The following DYRK1A variants were observed in gnomAD, a reference collection of about 807,000 sequenced individuals.
DYRK1A encodes the protein dual specificity tyrosine phosphorylation regulated kinase 1A.
Under a neutral mutation model 79.7 loss-of-function variants are expected in DYRK1A, and 9 were observed. That is an observed-to-expected ratio of 0.11 (90% confidence interval 0.07 to 0.20). The LOEUF (loss-of-function observed/expected upper bound fraction) is 0.20. Among genes scored for constraint, DYRK1A ranks in the 10% least tolerant of loss-of-function variants. DYRK1A has a pLI of 1.00. For synonymous variants in DYRK1A, 349 were observed against 329.7 expected (o/e 1.06, Z -0.63); for missense variants, 622 against 956.0 (o/e 0.65, Z 4.61).
In DYRK1A at chr21:37,485,787, A is replaced by G. The variant is rs554923168; in HGVS notation, c.490-680A>G. The stretch of plus-strand genomic sequence containing the variant: ...CTCGTTTTAAATGAGTCAGATTTCA[A>G]GTGAGAGGTGTTGCATGGTGATGTG... On this transcript the variant is annotated intron_variant, in intron 5 of 11. Transcript: ENST00000647188. Among the ~76,000 whole-genome samples the G allele has an allele frequency of 1.2e-4, 19 of 152,282 alleles. No homozygotes were observed. The South Asian group carries it at 1.9e-3, about 15-fold the overall frequency.
At chr21:37,479,463 T>G (rs1459787615) in intron 4 of DYRK1A, among the ~76,000 whole-genome samples, 1 of 152,072 alleles carries the variant, frequency 6.6e-6, no homozygotes, top group African/African-American at 2.4e-5. Flanking sequence ...TAAAGTAGAC[T>G]TTTTCTGATG....
At chr21:37,490,525 AG>A in intron 7 of DYRK1A, 64 bp downstream of exon 7, 1 of 1,330,888 alleles carries the variant, frequency 7.5e-7, no homozygotes, top group South Asian at 2.1e-5. Context: ...AGGACAGTGT[AG>A]GTATTAGGTT....
intron 4 of DYRK1A, among the ~76,000 whole-genome samples, chr21:37,479,600 G>GTTTT (rs1569362052): frequency 4.4e-5 from 1 of 22,794 alleles, no homozygotes; most frequent in African/African-American, 2.9e-4. Flanking sequence ...TTTTGTTTTT[G>GTTTT]TTTTTGTTTT....
At chr21:37,417,529 C>CTTTTTTTTTTTTTTTTTTTTTTTTTT (rs3216074) in intron 1 of DYRK1A, among the ~76,000 whole-genome samples, 1 of 44,048 alleles carries the variant, frequency 2.3e-5, no homozygotes, top group African/African-American at 1.0e-4. Flanking sequence ...TTTTCTTTTT[C>CTTTTTTTTTTTTTTTTTTTTTTTTTT]TTTTTTTTTT....
In DYRK1A at chr21:37,516,514, G is replaced by A. The variant is rs979824992; in HGVS notation, c.*3983G>A. 8 of 152,156 alleles carry A rather than the reference G, an allele frequency of 5.3e-5. No homozygotes were observed. Among genetic ancestry groups the A allele is most frequent in the Non-Finnish European group, 1.2e-4 (8 of 68,006 alleles). The allele number at this position is 152,156 out of a possible 1,614,324, so 9.4% of individuals were successfully genotyped here. A position where few individuals can be genotyped will look rare whatever the true frequency, so the allele number is the denominator to read the frequency against. On this transcript the variant is annotated 3_prime_UTR_variant, in exon 12 of 12. Coordinates refer to ENST00000647188, the MANE Select transcript of DYRK1A (RefSeq NM_001347721.2). ...GAAACCCTAAGAAGATAGCTTATTT[G>A]TTATCCTCCCTTTTAATGACTAACC...
chr21:37,479,612 GTTTTTTGT>G (rs1304573992), intron 4 of DYRK1A, among the ~76,000 whole-genome samples: 3 of 47,176 alleles, frequency 6.4e-5, no homozygotes, highest in Admixed American at 3.6e-4. Context: ...TTTTGTTTTT[GTTTTTTGT>G]TTTTTTTTTT....
chr21:37,487,808 C>T (rs905130107), intron 6 of DYRK1A: 4 of 152,048 alleles, frequency 2.6e-5, no homozygotes, highest in Non-Finnish European at 4.4e-5. Context: ...TTTATAGATA[C>T]TGATATAATT....
In DYRK1A at chr21:37,461,804, T is replaced by C. The variant is rs575501420; in HGVS notation, c.11-10880T>C. On this transcript the variant is annotated intron_variant, in intron 2 of 11. Coordinates refer to ENST00000647188, the MANE Select transcript of DYRK1A (RefSeq NM_001347721.2). ...GCTTTTACAATTTTTTTCTTCATCA[T>C]TGGTTTTCAGCAGTTTGGTTGAGTT... is the stretch of plus-strand genomic sequence containing the variant. Among the ~76,000 whole-genome samples, 345 of 152,004 alleles carry C rather than the reference T, an allele frequency of 2.3e-3. 1 individual carries two copies. The highest frequency in any genetic ancestry group is 2.5e-3 in the Non-Finnish European group (167 of 67,990).
intron 3 of DYRK1A, among the ~76,000 whole-genome samples, chr21:37,475,225 C>T (rs1311239339): frequency 6.6e-6 from 1 of 152,212 alleles, no homozygotes; most frequent in Non-Finnish European, 1.5e-5. Context: ...CCTCAACTTC[C>T]CTTTTATTAG....
intron 1 of DYRK1A, among the ~76,000 whole-genome samples, chr21:37,396,641 A>G (rs1160817097): frequency 6.6e-6 from 1 of 152,094 alleles, no homozygotes. Context: ...AACTATTCTT[A>G]CTACCTACCA....
intron 9 of DYRK1A, among the ~76,000 whole-genome samples, chr21:37,498,015 G>C (rs1040902688): frequency 6.6e-6 from 1 of 151,982 alleles, no homozygotes; most frequent in Non-Finnish European, 1.5e-5. Flanking sequence ...ATTACAAATG[G>C]TACACTAAGA....
intron 1 of DYRK1A, among the ~76,000 whole-genome samples, chr21:37,382,592 C>G (rs957619236): frequency 1.3e-5 from 2 of 152,108 alleles, no homozygotes; most frequent in African/African-American, 4.8e-5. Context: ...GGATCTTCAA[C>G]CTTTTGGCAG....
At chr21:37,399,841 C>T (rs1403214664) in intron 1 of DYRK1A, among the ~76,000 whole-genome samples, 1 of 152,186 alleles carries the variant, frequency 6.6e-6, no homozygotes, top group Non-Finnish European at 1.5e-5. Context: ...AGAATACAAA[C>T]ACAGGTTGAA....
At chr21:37,472,652 A>T in intron 2 of DYRK1A, 32 bp from the exon 3 acceptor site, 1 of 1,515,854 alleles carries the variant, frequency 6.6e-7, no homozygotes, top group African/African-American at 1.4e-5. Flanking sequence ...GGATATGAAT[A>T]TTTCCTTTAA....
chr21:37,450,412 C>T (rs1442945105), intron 2 of DYRK1A, among the ~76,000 whole-genome samples: 1 of 152,154 alleles, frequency 6.6e-6, no homozygotes, highest in Non-Finnish European at 1.5e-5. Context: ...TGATTTTTAT[C>T]ACGTTGTTAA....
At position 37,512,402 on chromosome 21, in the gene DYRK1A, A is replaced by G. The variant is rs771939851; in HGVS notation, c.2136A>G (p.Gln712=). 5.0e-6 allele frequency: 8 copies of G among 1,613,958 alleles called. No homozygotes were observed. The highest frequency in any genetic ancestry group is 1.3e-5 in the African/African-American group (1 of 74,874). ...GCATAGCTGGACATCCAACATACCAATTTTCTGCTAATACAGGTCCTGCAC... is the reference window on the plus strand; with the variant it reads ...GCATAGCTGGACATCCAACATACCAGTTTTCTGCTAATACAGGTCCTGCAC... ...ETGIAGHPTY[Q]FSANTGPAHY... is the part of the protein sequence containing the mutation. Residue 712 remains glutamine (Q), a synonymous_variant, in exon 12 of 12, where the codon CAA becomes CAG. Coordinates refer to ENST00000647188, the MANE Select transcript of DYRK1A (RefSeq NM_001347721.2).
intron 1 of DYRK1A, among the ~76,000 whole-genome samples, chr21:37,400,302 A>C (rs776386480): frequency 6.6e-6 from 1 of 152,094 alleles, no homozygotes; most frequent in Non-Finnish European, 1.5e-5. Context: ...TTCTCAACTT[A>C]ATCACACCTG....
upstream of DYRK1A, chr21:37,365,620 A>G (rs540876123): frequency 9.8e-5 from 15 of 152,344 alleles, no homozygotes; most frequent in Admixed American, 3.3e-4. Flanking sequence ...ATACATAGCT[A>G]GGGAGAAGGG....
intron 2 of DYRK1A, among the ~76,000 whole-genome samples, chr21:37,445,696 G>T (rs896803993): frequency 6.6e-6 from 1 of 152,192 alleles, no homozygotes; most frequent in African/African-American, 2.4e-5. Context: ...ATCATGAACA[G>T]TGTGACATTT....
Sources: allele counts gnomAD v4.1 joint callset (sites outside exome capture counted in the v4.1 genomes callset), GRCh38; gene constraint gnomAD v4.1.1; transcripts MANE v1.5; gene names NCBI Gene and HGNC (gene_info 2026-07-23, HGNC 2026-07-21).